MPRIP: variants seen among roughly 807,000 people sequenced by gnomAD.
MPRIP encodes the protein myosin phosphatase Rho-interacting protein.
A neutral mutation model predicts 234.9 loss-of-function variants in MPRIP; 59 were observed. That is an observed-to-expected ratio of 0.25 (90% CI 0.20 to 0.31). The LOEUF is 0.31. MPRIP is among the 10% of genes least tolerant of loss of function. MPRIP has a pLI of 1.00. For synonymous variants in MPRIP, 1,144 were observed against 1,263.9 expected, an observed-to-expected ratio of 0.91 and a Z score of 2.01; for missense variants, 2,436 against 3,071.0, an observed-to-expected ratio of 0.79 and a Z score of 4.89.
intron 5 of MPRIP, among the ~76,000 whole-genome samples, chr17:17,132,215 A>G (rs960987359): frequency 6.6e-6 from 1 of 152,158 alleles, no homozygotes; most frequent in East Asian, 1.9e-4. Context: ...CCCACAGGCC[A>G]TGATCCTCCT....
intron 12 of MPRIP, among the ~76,000 whole-genome samples, chr17:17,151,041 T>TATTATTATTATTATTATC (rs1163474661): frequency 7.3e-5 from 11 of 149,954 alleles, no homozygotes; most frequent in African/African-American, 2.7e-4. Flanking sequence ...TTATTATTAT[T>TATTATTATTATTATTATC]ATCATTATTT....
intron 1 of MPRIP, among the ~76,000 whole-genome samples, chr17:17,067,790 C>CTTTTTTTTTTTTTTTTT (rs35187618): frequency 1.4e-4 from 11 of 76,766 alleles, no homozygotes; most frequent in South Asian, 5.7e-4. Flanking sequence ...CTTCTTCTTC[C>CTTTTTTTTTTTTTTTTT]TTTTTTTTTT....
intron 3 of MPRIP, chr17:17,096,712 C>G: frequency 2.1e-6 from 1 of 470,386 alleles, no homozygotes; most frequent in East Asian, 7.0e-5. Context: ...GGGGCTCAGC[C>G]CTGTCCTTAC....
At chr17:17,106,468 G>A (rs1488733387) in intron 3 of MPRIP, among the ~76,000 whole-genome samples, 1 of 152,230 alleles carries the variant, frequency 6.6e-6, no homozygotes, top group African/African-American at 2.4e-5. Context: ...GGCAGCAAGA[G>A]CGCTCTGGAG....
chr17:17,059,441 T>C (rs1005115760), intron 1 of MPRIP, among the ~76,000 whole-genome samples: 26 of 152,258 alleles, frequency 1.7e-4, no homozygotes, highest in African/African-American at 6.3e-4. Flanking sequence ...GGCCATGGGC[T>C]TGAGGAGCAT....
At position 17,166,456 on chromosome 17, in the gene MPRIP, A is replaced by G. The variant is rs959491246; in HGVS notation, c.4865A>G (p.Asp1622Gly). 1.5e-6 allele frequency: 2 copies of G among 1,304,148 alleles called. No individual in the cohort carries two copies. Among genetic ancestry groups the G allele is most frequent in the African/African-American group, 3.0e-5 (2 of 65,850 alleles). 80.8% of individuals were successfully genotyped at this position (1,304,148 alleles called of 1,614,324 possible). A position where few individuals can be genotyped will look rare whatever the true frequency, so the allele number is the denominator to read the frequency against. Residue 1622 changes from aspartate (D) to glycine (G), a missense_variant, in exon 16 of 24, where the codon GAT (aspartate) becomes GGT (glycine). Around this residue, in one of 4 missense-constraint regions of MPRIP, gnomAD observed 1,998 missense variants for 2,520.3 expected, o/e 0.79. Transcript: ENST00000651222. This position sits in a 1 kb window ranked among gnomAD's most constrained non-coding sequence, Gnocchi z 4.4. ...VDTWARKVLV[D>G]GEFWSQVESL... Reference sequence around the variant, plus strand: ...ACCTGGGCCAGGAAGGTCCTAGTGGATGGTGAGTTCTGGAGCCAGGTTGAG... The same window carrying G: ...ACCTGGGCCAGGAAGGTCCTAGTGGGTGGTGAGTTCTGGAGCCAGGTTGAG...
intron 3 of MPRIP, among the ~76,000 whole-genome samples, chr17:17,118,777 T>G (rs1381061091): frequency 6.6e-6 from 1 of 152,162 alleles, no homozygotes; most frequent in African/African-American, 2.4e-5. Flanking sequence ...ATGACCCCTT[T>G]TCTGCGGCTC....
intron 3 of MPRIP, among the ~76,000 whole-genome samples, chr17:17,124,789 T>G (rs1686767326): frequency 1.3e-5 from 2 of 152,170 alleles, no homozygotes; most frequent in African/African-American, 4.8e-5. Flanking sequence ...AGAGCAACCC[T>G]TCATTTGCCC....
intron 4 of MPRIP, among the ~76,000 whole-genome samples, chr17:17,129,897 C>G (rs550737186): frequency 6.6e-6 from 1 of 152,234 alleles, no homozygotes; most frequent in Non-Finnish European, 1.5e-5. Context: ...AAAGGCAAAC[C>G]TCTTTAATCC....
Position 17,078,261 on chromosome 17 carries a change from G to A in MPRIP, c.267+185G>A, listed in dbSNP as rs2089382137. On this transcript the variant is annotated intron_variant, in intron 3 of 23. Transcript: ENST00000651222. The surrounding 1 kb of genome is among the most constrained non-coding windows in gnomAD (Gnocchi z 4.3). ...GACAGCTTTAAAAACCCAGACCTTT[G>A]GTTTGAAACATCATCTTCTGTGGTC... 6.6e-6 allele frequency among the ~76,000 whole-genome samples: 1 copy of A among 152,118 alleles called. No homozygotes were observed. Among genetic ancestry groups the A allele is most frequent in the Admixed American group, 6.5e-5 (1 of 15,276 alleles).
At chr17:17,162,360 G>GAA (rs1567763099) in intron 15 of MPRIP, among the ~76,000 whole-genome samples, 1 of 152,240 alleles carries the variant, frequency 6.6e-6, no homozygotes, top group Non-Finnish European at 1.5e-5. Flanking sequence ...GCAGTGCGCT[G>GAA]ACCTTGGTCT....
chr17:17,184,872 C>G lies in MPRIP; in HGVS notation c.7256C>G (p.Ser2419Cys). Residue 2419 changes from serine to cysteine, a missense_variant, in exon 24 of 24, where the codon TCC becomes TGC. Physicochemically the swap from Ser to Cys is moderately radical, Grantham distance 112. This residue lies in a region of MPRIP where 1,998 missense variants were observed against 2,520.3 expected (regional missense o/e 0.79). Transcript: ENST00000651222. ...TVQERLKLFESRDLKKD is the reference protein window; with the variant it reads ...TVQERLKLFECRDLKKD The stretch of plus-strand genomic sequence containing the variant: ...CAAGAACGGTTGAAGCTCTTTGAAT[C>G]CAGGGACTTGAAGAAAGACTAGGTG... 1 of 1,612,592 alleles carries G rather than the reference C, an allele frequency of 6.2e-7. No homozygotes were observed. Among genetic ancestry groups the G allele is most frequent in the Non-Finnish European group, 8.5e-7 (1 of 1,179,360 alleles).
chr17:17,176,822 G>GC (rs1394646338), intron 21 of MPRIP, among the ~76,000 whole-genome samples: 1 of 152,154 alleles, frequency 6.6e-6, no homozygotes, highest in Non-Finnish European at 1.5e-5. Flanking sequence ...CATTTGAGCC[G>GC]CCCCCTGGCT....
chr17:17,120,878 C>T (rs113383862), intron 3 of MPRIP, among the ~76,000 whole-genome samples: 22 of 152,276 alleles, frequency 1.4e-4, no homozygotes, highest in African/African-American at 4.8e-4. Flanking sequence ...CCCTTACTCT[C>T]GCAGCACAAG....
intron 3 of MPRIP, among the ~76,000 whole-genome samples, chr17:17,093,414 C>T (rs554163931): frequency 6.6e-5 from 10 of 152,314 alleles, no homozygotes; most frequent in African/African-American, 1.9e-4. Flanking sequence ...AGCAGTCTCT[C>T]AGACCCTTAA....
At chr17:17,175,981 C>T (rs1227650769) in intron 20 of MPRIP, among the ~76,000 whole-genome samples, 1 of 152,238 alleles carries the variant, frequency 6.6e-6, no homozygotes, top group Non-Finnish European at 1.5e-5. Flanking sequence ...TGGGAGGGAC[C>T]AGTGCTTGGT....
At chr17:17,150,254 G>A in intron 12 of MPRIP, 21 bp downstream of exon 12, 1 of 1,574,160 alleles carries the variant, frequency 6.4e-7, no homozygotes, top group Non-Finnish European at 8.7e-7. Flanking sequence ...GGATGGAAGT[G>A]GGGCCACAGG....
At chr17:17,075,604 G>C in intron 1 of MPRIP, 106 bp from the exon 2 acceptor site, 2 of 945,844 alleles carry the variant, frequency 2.1e-6, no homozygotes, top group South Asian at 2.8e-5. Context: ...GACCTCTGCA[G>C]AGCAGAGGCA....
chr17:17,126,769 G>C lies in MPRIP; in HGVS notation c.335G>C (p.Arg112Pro). ...QCTDVVDGEG[R>P]TGQKFSLCIL... ...ACAGATGTGGTGGATGGGGAGGGCC[G>C]CACGGGCCAGAAGTTCTCCCTGTGT... Residue 112 changes from arginine (R) to proline (P), a missense_variant, in exon 4 of 24, where the codon CGC (arginine) becomes CCC (proline). Arg to Pro is a moderately radical substitution (Grantham distance 103). Around this residue, in one of 4 missense-constraint regions of MPRIP, gnomAD observed 140 missense variants for 207.3 expected, o/e 0.68. Transcript: ENST00000651222. 6.2e-7 allele frequency: 1 copy of C among 1,614,178 alleles called. No individual in the cohort carries two copies. Among genetic ancestry groups the C allele is most frequent in the Non-Finnish European group, 8.5e-7 (1 of 1,180,000 alleles).
Sources: allele counts gnomAD v4.1 joint callset (sites outside exome capture counted in the v4.1 genomes callset), GRCh38; gene constraint gnomAD v4.1.1; regional missense constraint gnomAD v4.1.1; non-coding constraint Gnocchi (gnomAD v3.1); transcripts MANE v1.5; gene names NCBI Gene and HGNC (gene_info 2026-07-23, HGNC 2026-07-21).